Variants in SEPTIN11 observed in about 807,000 individuals in gnomAD.
SEPTIN11 encodes septin-11.
In SEPTIN11, 25 loss-of-function variants were observed where a neutral mutation model predicts 51.4. The observed-to-expected ratio is 0.49, with a 90% CI of 0.35 to 0.68. SEPTIN11 has a LOEUF of 0.68. Ranked by LOEUF, SEPTIN11 falls within the 30% of genes least tolerant of loss-of-function variation. The pLI, the probability that SEPTIN11 is intolerant of heterozygous loss-of-function variation, is 0.00. For missense variants in SEPTIN11, 381 were observed against 520.8 expected (o/e 0.73, Z 2.61); for synonymous variants, 174 against 184.1 (o/e 0.95, Z 0.44).
intron 1 of SEPTIN11, among the ~76,000 whole-genome samples, chr4:76,977,438 ATATTGTAT>A (rs1722554488): frequency 6.6e-6 from 1 of 152,230 alleles, no homozygotes; most frequent in Non-Finnish European, 1.5e-5. Flanking sequence ...GTCTAAGTAA[ATATTGTAT>A]TTATTAAGTG....
At position 77,038,452 on chromosome 4, in the gene SEPTIN11, G is replaced by T; in HGVS notation, c.*3940G>T. 2.0e-6 allele frequency: 2 copies of T among 985,604 alleles called. No homozygotes were observed. Among genetic ancestry groups the T allele is most frequent in the Non-Finnish European group, 2.4e-6 (2 of 829,728 alleles). The allele number at this position is 985,604 out of a possible 1,614,324, so 61.1% of individuals were successfully genotyped here. A position where few individuals can be genotyped will look rare whatever the true frequency, so the allele number is the denominator to read the frequency against. On this transcript the variant is annotated 3_prime_UTR_variant, in exon 10 of 10. Coordinates refer to ENST00000264893, the MANE Select transcript of SEPTIN11 (RefSeq NM_018243.4). ...TTTTTTAAACTAAAGTAATTGTATTGATGTGAAGCATATCATTTTTTCAAA... is the reference window on the plus strand; with the variant it reads ...TTTTTTAAACTAAAGTAATTGTATTTATGTGAAGCATATCATTTTTTCAAA...
chr4:77,017,238 C>A (rs1056732645), intron 5 of SEPTIN11, among the ~76,000 whole-genome samples: 2 of 151,906 alleles, frequency 1.3e-5, no homozygotes, highest in Non-Finnish European at 2.9e-5. Flanking sequence ...AATAAAATAC[C>A]CAAGAATTTT....
intron 1 of SEPTIN11, among the ~76,000 whole-genome samples, chr4:76,980,291 T>C (rs1297994434): frequency 2.0e-5 from 3 of 152,224 alleles, no homozygotes; most frequent in African/African-American, 7.2e-5. Flanking sequence ...GGACTAAAGC[T>C]TCACAAGTTT....
At chr4:77,027,493 C>A (rs184406929) in intron 7 of SEPTIN11, among the ~76,000 whole-genome samples, 1 of 152,180 alleles carries the variant, frequency 6.6e-6, no homozygotes, top group Non-Finnish European at 1.5e-5. Context: ...TGTGTATCTA[C>A]ATGCACGTAT....
chr4:76,996,487 G>A lies in SEPTIN11; in HGVS notation c.90G>A (p.Gln30=). The A allele has an allele frequency of 6.2e-7, 1 of 1,614,124 alleles. No homozygotes were observed. The change falls in exon 2 of 10, where the codon CAG becomes CAA. Residue 30 remains glutamine, a synonymous_variant. Coordinates refer to ENST00000264893, the MANE Select transcript of SEPTIN11 (RefSeq NM_018243.4). ...GHVGFDSLPD[Q]LVNKSTSQGF... ...TGGGATTTGACAGCCTCCCTGACCA[G>A]CTGGTCAACAAGTCTACTTCTCAAG... is the stretch of plus-strand genomic sequence containing the variant.
At chr4:76,986,079 T>C (rs1723010860) in intron 1 of SEPTIN11, among the ~76,000 whole-genome samples, 1 of 152,136 alleles carries the variant, frequency 6.6e-6, no homozygotes, top group Non-Finnish European at 1.5e-5. Context: ...ATGATACTGA[T>C]GACTTCAAGT....
chr4:76,963,600 G>A (rs184471326), intron 1 of SEPTIN11, among the ~76,000 whole-genome samples: 15 of 152,294 alleles, frequency 9.8e-5, no homozygotes, highest in East Asian at 1.9e-4. Context: ...CATCACAGTC[G>A]TCAAATATGG....
chr4:77,018,880 C>A lies in SEPTIN11; in HGVS notation c.688-285C>A, dbSNP rs143234391. On this transcript the variant is annotated intron_variant, in intron 5 of 9. Coordinates refer to ENST00000264893, the MANE Select transcript of SEPTIN11 (RefSeq NM_018243.4). ...TACAAGCTGTATTTCAGGTGCTCAACAGTCACATATAGTTAGTGGCTACTG... is the reference window on the plus strand; with the variant it reads ...TACAAGCTGTATTTCAGGTGCTCAAAAGTCACATATAGTTAGTGGCTACTG... 6.6e-3 allele frequency among the ~76,000 whole-genome samples: 999 copies of A among 152,350 alleles called. 15 individuals are homozygous for A. The highest frequency in any genetic ancestry group is 0.023 in the African/African-American group (955 of 41,578).
intron 1 of SEPTIN11, among the ~76,000 whole-genome samples, chr4:76,957,837 C>G (rs765006124): frequency 3.9e-5 from 6 of 152,094 alleles, no homozygotes; most frequent in Admixed American, 6.5e-5. Flanking sequence ...GAATTGCTGG[C>G]AACACTTATG....
intron 1 of SEPTIN11, among the ~76,000 whole-genome samples, chr4:76,957,898 C>T (rs1257986454): frequency 1.3e-5 from 2 of 152,132 alleles, no homozygotes; most frequent in African/African-American, 2.4e-5. Flanking sequence ...CCTTAAGTTA[C>T]CTTTTTTAAA....
intron 1 of SEPTIN11, among the ~76,000 whole-genome samples, chr4:76,964,298 ATTTTTT>A (rs34041277): frequency 1.3e-4 from 17 of 133,340 alleles, no homozygotes; most frequent in Non-Finnish European, 1.6e-4. Flanking sequence ...TTGGCCAATC[ATTTTTT>A]TTTTTTTTTT....
At chr4:77,007,720 T>A (rs1560728015) in intron 3 of SEPTIN11, among the ~76,000 whole-genome samples, 1 of 152,226 alleles carries the variant, frequency 6.6e-6, no homozygotes, top group South Asian at 2.1e-4. Flanking sequence ...CCTCTGAAAT[T>A]TCTTGACAGC....
At chr4:77,039,648 T>TAA (rs34178169), downstream of SEPTIN11, 748 of 847,958 alleles carry the variant, frequency 8.8e-4, no homozygotes, top group Middle Eastern at 3.6e-3. Flanking sequence ...TTGGGGTTTT[T>TAA]AAAAAAAAAA....
At chr4:77,016,615 C>CACATATATATATATATATACACAT (rs1553975015) in intron 5 of SEPTIN11, among the ~76,000 whole-genome samples, 2 of 79,192 alleles carry the variant, frequency 2.5e-5, no homozygotes, top group East Asian at 6.1e-4. Flanking sequence ...TATATATACA[C>CACATATATATATATATATACACAT]ATATATATAT....
At chr4:77,033,098 T>C (rs936050530) in intron 9 of SEPTIN11, among the ~76,000 whole-genome samples, 6 of 152,174 alleles carry the variant, frequency 3.9e-5, no homozygotes, top group African/African-American at 9.7e-5. Context: ...GTCCTTACCC[T>C]TTTCCACACT....
chr4:77,017,251 C>T (rs1417683739), intron 5 of SEPTIN11, among the ~76,000 whole-genome samples: 1 of 152,154 alleles, frequency 6.6e-6, no homozygotes, highest in East Asian at 1.9e-4. Context: ...AGAATTTTTG[C>T]TCTCTTTCTC....
At chr4:77,014,539 T>C (rs988707746) in intron 4 of SEPTIN11, among the ~76,000 whole-genome samples, 3 of 152,162 alleles carry the variant, frequency 2.0e-5, no homozygotes, top group African/African-American at 7.2e-5. Context: ...AAATTACAAG[T>C]ATACTTTCAG....
chr4:76,976,218 C>A (rs1252026073), intron 1 of SEPTIN11, among the ~76,000 whole-genome samples: 1 of 152,176 alleles, frequency 6.6e-6, no homozygotes, highest in African/African-American at 2.4e-5. Context: ...TCAACATTTT[C>A]TGCTTTTTTT....
intron 2 of SEPTIN11, among the ~76,000 whole-genome samples, chr4:77,004,684 C>T (rs549529975): frequency 1.1e-4 from 17 of 152,232 alleles, no homozygotes; most frequent in East Asian, 1.9e-4. Flanking sequence ...ATAATGTAGC[C>T]GGGCGTGGTG....
Sources: allele counts gnomAD v4.1 joint callset (sites outside exome capture counted in the v4.1 genomes callset), GRCh38; gene constraint gnomAD v4.1.1; transcripts MANE v1.5; gene names NCBI Gene and HGNC (gene_info 2026-07-23, HGNC 2026-07-21).